Variants in SUCLG2 observed in about 807,000 individuals in gnomAD.
The protein encoded by SUCLG2 is succinate--CoA ligase [GDP-forming] subunit beta, mitochondrial.
In SUCLG2, 42 loss-of-function variants were observed where a neutral mutation model predicts 47.9. The ratio of observed to expected loss-of-function variants is 0.88; its 90% CI spans 0.69 to 1.14. The LOEUF is 1.14. SUCLG2 is among the 50% of genes most tolerant of loss of function. The pLI is 0.00. For missense variants in SUCLG2, 571 were observed against 525.9 expected (o/e 1.09, Z -0.84); for synonymous variants, 195 against 197.3 (o/e 0.99, Z 0.10).
chr3:67,631,174 T>C (rs1372640560), intron 1 of SUCLG2, among the ~76,000 whole-genome samples: 1 of 152,144 alleles, frequency 6.6e-6, no homozygotes, highest in Non-Finnish European at 1.5e-5. Flanking sequence ...TGTGAAGACA[T>C]TTGCTTTACT....
intron 6 of SUCLG2, among the ~76,000 whole-genome samples, chr3:67,513,738 G>A (rs1170539937): frequency 3.3e-5 from 5 of 152,130 alleles, no homozygotes; most frequent in Admixed American, 2.6e-4. Flanking sequence ...TAACCACTGC[G>A]TACAAAAAGT....
chr3:67,512,068 C>T (rs1705808257), intron 6 of SUCLG2, among the ~76,000 whole-genome samples: 1 of 151,050 alleles, frequency 6.6e-6, no homozygotes, highest in Admixed American at 6.6e-5. Flanking sequence ...GTTACCCAGG[C>T]TGCTCTTGAA....
At chr3:67,615,362 C>T (rs112008716) in intron 1 of SUCLG2, among the ~76,000 whole-genome samples, 13,425 of 151,862 alleles carry the variant, frequency 0.088, 1,097 homozygotes, top group African/African-American at 0.22. Context: ...GGGGAATCAA[C>T]AGAGAATATC....
At chr3:67,455,305 G>T (rs918083145) in intron 9 of SUCLG2, among the ~76,000 whole-genome samples, 4 of 152,144 alleles carry the variant, frequency 2.6e-5, no homozygotes, top group Non-Finnish European at 4.4e-5. Flanking sequence ...CTCACACTTT[G>T]AGTAAGTGAG....
At chr3:67,417,815 C>T (rs752569906) in intron 9 of SUCLG2, among the ~76,000 whole-genome samples, 33 of 152,146 alleles carry the variant, frequency 2.2e-4, no homozygotes, top group African/African-American at 5.8e-4. Context: ...GTTCAGCCAC[C>T]GCAGCTTGAA....
downstream of SUCLG2, among the ~76,000 whole-genome samples, chr3:67,373,764 T>C (rs1289910794): frequency 6.6e-6 from 1 of 152,082 alleles, no homozygotes; most frequent in African/African-American, 2.4e-5. Flanking sequence ...TTCCCTCTGC[T>C]CCCTCTCTCT....
intron 6 of SUCLG2, among the ~76,000 whole-genome samples, chr3:67,511,297 T>G (rs1705781955): frequency 6.6e-6 from 1 of 152,202 alleles, no homozygotes; most frequent in Admixed American, 6.5e-5. Context: ...TCTTTGTCAG[T>G]GTGTTAGGTG....
At chr3:67,613,281 C>T (rs546856722) in intron 1 of SUCLG2, among the ~76,000 whole-genome samples, 36 of 152,306 alleles carry the variant, frequency 2.4e-4, no homozygotes, top group African/African-American at 8.4e-4. Context: ...ACCTAGTGGA[C>T]TCCAACCACT....
intron 2 of SUCLG2, among the ~76,000 whole-genome samples, chr3:67,587,737 C>T (rs894173206): frequency 6.6e-6 from 1 of 152,094 alleles, no homozygotes; most frequent in Non-Finnish European, 1.5e-5. Flanking sequence ...AAAACCAGAA[C>T]GACTGTCAAA....
At chr3:67,600,661 G>C (rs1351689164) in intron 2 of SUCLG2, among the ~76,000 whole-genome samples, 1 of 152,176 alleles carries the variant, frequency 6.6e-6, no homozygotes, top group Non-Finnish European at 1.5e-5. Context: ...GATTGAAACT[G>C]TATTTCCCAG....
At chr3:67,399,920 C>T (rs543229303) in intron 10 of SUCLG2, among the ~76,000 whole-genome samples, 2 of 152,238 alleles carry the variant, frequency 1.3e-5, no homozygotes, top group South Asian at 2.1e-4. Flanking sequence ...GTAGCTTAAG[C>T]CTATAATCCC....
At chr3:67,583,720 T>C (rs1486830936) in intron 2 of SUCLG2, among the ~76,000 whole-genome samples, 1 of 152,206 alleles carries the variant, frequency 6.6e-6, no homozygotes, top group African/African-American at 2.4e-5. Context: ...TCCTTGCAGC[T>C]ACAAGACTGA....
intron 9 of SUCLG2, among the ~76,000 whole-genome samples, chr3:67,484,460 G>T (rs1245528210): frequency 6.6e-6 from 1 of 152,152 alleles, no homozygotes; most frequent in Admixed American, 6.6e-5. Context: ...AGATATTTTT[G>T]GGGCATCTAC....
chr3:67,650,311 G>A (rs555171624), intron 1 of SUCLG2, among the ~76,000 whole-genome samples: 16 of 152,296 alleles, frequency 1.1e-4, no homozygotes, highest in African/African-American at 2.6e-4. Flanking sequence ...TCCCACTTCC[G>A]TAAAGGCAGA....
At chr3:67,479,186 A>G (rs1160849382) in intron 9 of SUCLG2, among the ~76,000 whole-genome samples, 3 of 152,070 alleles carry the variant, frequency 2.0e-5, no homozygotes, top group Admixed American at 6.6e-5. Flanking sequence ...CCCAAATGGT[A>G]GTTGACATAA....
At chr3:67,648,669 C>A (rs753099899) in intron 1 of SUCLG2, among the ~76,000 whole-genome samples, 1 of 152,144 alleles carries the variant, frequency 6.6e-6, no homozygotes, top group Non-Finnish European at 1.5e-5. Flanking sequence ...GATTACTTCA[C>A]GCAGCCTTGT....
In SUCLG2 at chr3:67,400,858, T is replaced by C. The variant is rs1702668495; in HGVS notation, c.1063-7A>G. On this transcript the variant is annotated splice_region_variant and splice_polypyrimidine_tract_variant and intron_variant, in intron 9 of 10. Coordinates refer to ENST00000307227, the MANE Select transcript of SUCLG2 (RefSeq NM_003848.4). ...TGACAAGGATGGCTTCAACCTGAAA[T>C]CAAAAATAAAAAGTTACCAATCAAA... is the stretch of plus-strand genomic sequence containing the variant. The C allele has an allele frequency of 1.9e-6, 3 of 1,611,624 alleles. No homozygotes were observed. Among genetic ancestry groups the C allele is most frequent in the Non-Finnish European group, 2.5e-6 (3 of 1,179,454 alleles).
intron 9 of SUCLG2, among the ~76,000 whole-genome samples, chr3:67,485,481 T>G (rs975004927): frequency 2.0e-5 from 3 of 152,188 alleles, no homozygotes; most frequent in Non-Finnish European, 4.4e-5. Flanking sequence ...ATGTTAGGCT[T>G]CTTTAAATAA....
chr3:67,370,462 G>C (rs1222520066), downstream of SUCLG2, among the ~76,000 whole-genome samples: 1 of 152,070 alleles, frequency 6.6e-6, no homozygotes, highest in Non-Finnish European at 1.5e-5. Context: ...TCACCTGTTT[G>C]TATCCATGAG....
Sources: gnomAD v4.1 joint callset for allele counts (sites outside exome capture counted in the v4.1 genomes callset) on GRCh38, gnomAD v4.1.1 for gene constraint, MANE v1.5 for transcripts, NCBI Gene and HGNC (gene_info 2026-07-23, HGNC 2026-07-21) for gene names.